PACS1: variants seen among roughly 807,000 people sequenced by gnomAD.
The protein encoded by PACS1 is PACS-1.
A neutral mutation model predicts 115.0 loss-of-function variants in PACS1; 24 were observed. That is an observed-to-expected ratio of 0.21 (90% CI 0.15 to 0.29). The LOEUF (loss-of-function observed/expected upper bound fraction) is 0.29. Ranked by LOEUF, PACS1 falls within the 10% of genes least tolerant of loss-of-function variation. The pLI is 1.00. For synonymous variants in PACS1, 453 were observed against 504.5 expected (o/e 0.90, Z 1.37); for missense variants, 838 against 1,251.2 (o/e 0.67, Z 4.98).
chr11:66,232,908 A>G, intron 14 of PACS1, 52 bp from the exon 15 acceptor site: 1 of 1,339,842 alleles, frequency 7.5e-7, no homozygotes, highest in South Asian at 1.2e-5. Context: ...GCCCTTGTGA[A>G]GGAGTGATGT....
chr11:66,109,665 A>G (rs1302851860), intron 1 of PACS1, among the ~76,000 whole-genome samples: 2 of 152,130 alleles, frequency 1.3e-5, no homozygotes, highest in East Asian at 1.9e-4. Context: ...GTGTTGTTTC[A>G]ACAGCCAGTG....
chr11:66,206,696 TG>T (rs937175201), intron 2 of PACS1, among the ~76,000 whole-genome samples: 21 of 152,166 alleles, frequency 1.4e-4, no homozygotes, highest in African/African-American at 4.8e-4. Context: ...CCGAGAGGGC[TG>T]GGGTGGAGGA....
chr11:66,076,053 A>G (rs1857390991), intron 1 of PACS1, among the ~76,000 whole-genome samples: 3 of 152,120 alleles, frequency 2.0e-5, no homozygotes, highest in Non-Finnish European at 4.4e-5. Flanking sequence ...AAAGTCTTAA[A>G]AGCATGTTTG....
chr11:66,126,480 ATAAG>A (rs775489982), intron 1 of PACS1, among the ~76,000 whole-genome samples: 2 of 152,232 alleles, frequency 1.3e-5, no homozygotes, highest in Non-Finnish European at 2.9e-5. Context: ...CAAACAAAAA[ATAAG>A]TGTTAGCCAT....
In PACS1 at chr11:66,125,842, C is replaced by A. The variant is rs575269705; in HGVS notation, c.356+55000C>A. On this transcript the variant is annotated intron_variant, in intron 1 of 23. Transcript: ENST00000320580. ...ATTACTTGAGGTCGGGAGTTCAAGA[C>A]CAGCCTGGCCAACATGGTGAAACCT... is the stretch of plus-strand genomic sequence containing the variant. 1.2e-4 allele frequency among the ~76,000 whole-genome samples: 18 copies of A among 152,210 alleles called. No individual in the cohort carries two copies. In the South Asian group the frequency reaches 3.5e-3, roughly 30 times the overall value.
chr11:66,221,257 AC>A lies in PACS1; in HGVS notation c.1293+12del, dbSNP rs776593005. ...AGACACCACCAGCCCTGTGAGCGCA[AC>A]CGCGACTGCGGGGCGGGGTGGGACC... On this transcript the variant is annotated intron_variant, in intron 10 of 23. Coordinates refer to ENST00000320580, the MANE Select transcript of PACS1 (RefSeq NM_018026.4). The A allele has an allele frequency of 9.9e-6, 16 of 1,612,474 alleles. No homozygotes were observed. Among genetic ancestry groups the A allele is most frequent in the Middle Eastern group, 1.7e-4 (1 of 6,056 alleles).
At chr11:66,179,031 G>C (rs2134651360) in intron 1 of PACS1, among the ~76,000 whole-genome samples, 1 of 152,220 alleles carries the variant, frequency 6.6e-6, no homozygotes, top group African/African-American at 2.4e-5. Flanking sequence ...AATGTATTAA[G>C]TTGTCCCCTG....
At chr11:66,220,883 G>C in intron 9 of PACS1, 92 bp downstream of exon 9, 2 of 1,354,540 alleles carry the variant, frequency 1.5e-6, no homozygotes, top group Non-Finnish European at 2.0e-6. Flanking sequence ...TCTATTACCA[G>C]AGAATCTTGG....
intron 1 of PACS1, among the ~76,000 whole-genome samples, chr11:66,078,478 G>T (rs2134497462): frequency 6.6e-6 from 1 of 152,274 alleles, no homozygotes; most frequent in East Asian, 1.9e-4. Context: ...TTTATTATGA[G>T]TAGGATTTCC....
chr11:66,152,653 G>A (rs927023383), intron 1 of PACS1, among the ~76,000 whole-genome samples: 2 of 152,180 alleles, frequency 1.3e-5, no homozygotes, highest in African/African-American at 4.8e-5. Context: ...TGACGATTGG[G>A]TGTTCATGCA....
chr11:66,110,650 A>G (rs566545595), intron 1 of PACS1, among the ~76,000 whole-genome samples: 4 of 152,120 alleles, frequency 2.6e-5, no homozygotes, highest in South Asian at 2.1e-4. Context: ...TCGGCTCACT[A>G]CTACAGCCTC....
intron 1 of PACS1, among the ~76,000 whole-genome samples, chr11:66,100,396 A>G (rs1359618833): frequency 1.3e-5 from 2 of 152,098 alleles, no homozygotes; most frequent in Non-Finnish European, 2.9e-5. Context: ...CCTTCTGTCT[A>G]CCACATCTGC....
chr11:66,205,845 C>T (rs1279639482), intron 2 of PACS1, among the ~76,000 whole-genome samples: 1 of 151,810 alleles, frequency 6.6e-6, no homozygotes, highest in African/African-American at 2.4e-5. Flanking sequence ...AAATAAGAAG[C>T]ATTTAAAACA....
rs1857298808 is a variant in PACS1, at chr11:66,070,957, C to A, written c.356+115C>A. On this transcript the variant is annotated intron_variant, in intron 1 of 23. Coordinates refer to ENST00000320580, the MANE Select transcript of PACS1 (RefSeq NM_018026.4). The surrounding 1 kb of genome is among the most constrained non-coding windows in gnomAD (Gnocchi z 5.9). ...GCCCTCCATCTCCCCGACTGTCCCG[C>A]GGCCCGGCCTGGCTCCAGCCAGGCC... The A allele has an allele frequency of 1.2e-5, 13 of 1,105,572 alleles. No homozygotes were observed. Among genetic ancestry groups the A allele is most frequent in the Non-Finnish European group, 1.4e-5 (12 of 843,496 alleles). 68.5% of individuals were successfully genotyped at this position (1,105,572 alleles called of 1,614,324 possible). A position where few individuals can be genotyped will look rare whatever the true frequency, so the allele number is the denominator to read the frequency against.
intron 1 of PACS1, among the ~76,000 whole-genome samples, chr11:66,147,519 A>G (rs1227663628): frequency 2.6e-5 from 4 of 152,230 alleles, no homozygotes; most frequent in Non-Finnish European, 4.4e-5. Context: ...AATGATAACA[A>G]TGGAAACTTG....
At position 66,235,517 on chromosome 11, in the gene PACS1, A is replaced by G. The variant is rs1855688933; in HGVS notation, c.2207+114A>G. On this transcript the variant is annotated intron_variant, in intron 18 of 23. Transcript: ENST00000320580. The surrounding 1 kb of genome is among the most constrained non-coding windows in gnomAD (Gnocchi z 5.6). ...TCCACATGCTATATTCCTTCATAGG[A>G]ACCCAAAAGGATATGAGTGGTTTTT... 1.3e-6 allele frequency: 1 copy of G among 787,448 alleles called. No individual in the cohort carries two copies. The highest frequency in any genetic ancestry group is 2.1e-6 in the Non-Finnish European group (1 of 475,028). 48.8% of individuals were successfully genotyped at this position (787,448 alleles called of 1,614,324 possible).
intron 21 of PACS1, among the ~76,000 whole-genome samples, chr11:66,239,975 A>G (rs1855778922): frequency 6.6e-6 from 1 of 152,244 alleles, no homozygotes; most frequent in Non-Finnish European, 1.5e-5. Context: ...TGGGCCACGT[A>G]GTGACGTGGA....
chr11:66,152,041 C>T (rs573145747), intron 1 of PACS1, among the ~76,000 whole-genome samples: 3 of 152,058 alleles, frequency 2.0e-5, no homozygotes, highest in Admixed American at 6.5e-5. Flanking sequence ...GAGACCAGCC[C>T]GGGCAACATA....
At chr11:66,191,944 A>T (rs1854533472) in intron 1 of PACS1, among the ~76,000 whole-genome samples, 2 of 152,212 alleles carry the variant, frequency 1.3e-5, no homozygotes, top group Non-Finnish European at 2.9e-5. Flanking sequence ...AATTGCTGGA[A>T]CACGGGAGGT....
Sources: gnomAD v4.1 joint callset for allele counts (sites outside exome capture counted in the v4.1 genomes callset) on GRCh38, gnomAD v4.1.1 for gene constraint, Gnocchi (gnomAD v3.1) non-coding constraint, MANE v1.5 for transcripts, NCBI Gene and HGNC (gene_info 2026-07-23, HGNC 2026-07-21) for gene names.